The following PAM variants were observed in gnomAD, a reference collection of about 807,000 sequenced individuals.
PAM encodes the protein peptidyl-glycine alpha-amidating monooxygenase.
A neutral mutation model predicts 122.1 loss-of-function variants in PAM; 72 were observed. The ratio of observed to expected loss-of-function variants is 0.59; its 90% CI spans 0.49 to 0.72. The LOEUF (loss-of-function observed/expected upper bound fraction) is 0.72, where lower values mean the gene tolerates loss of function less well. PAM is among the 30% of genes least tolerant of loss of function. PAM has a pLI of 0.00. For missense variants in PAM, 1,106 were observed against 1,183.7 expected (o/e 0.93, Z 0.96); for synonymous variants, 389 against 404.4 (o/e 0.96, Z 0.46).
chr5:102,960,064 T>C lies in PAM; in HGVS notation c.1090+5T>C, dbSNP rs2150221658. On this transcript the variant is annotated splice_donor_5th_base_variant and intron_variant, in intron 13 of 25. Transcript: ENST00000438793. The stretch of plus-strand genomic sequence containing the variant: ...TGATGCATGAACATCATAAAGGTAA[T>C]AATTGATGTTTAATATAAAGTAATA... 3 of 1,476,746 alleles carry C rather than the reference T, an allele frequency of 2.0e-6. No homozygotes were observed. Among genetic ancestry groups the C allele is most frequent in the Non-Finnish European group, 2.8e-6 (3 of 1,068,920 alleles). 91.5% of individuals were successfully genotyped at this position (1,476,746 alleles called of 1,614,324 possible).
chr5:102,858,938 G>A (rs563291913), intron 1 of PAM, among the ~76,000 whole-genome samples: 1 of 152,262 alleles, frequency 6.6e-6, no homozygotes, highest in Admixed American at 6.5e-5. Context: ...CTATCACCTA[G>A]TAACATCGTA....
At chr5:102,825,177 A>G (rs1773219150) in intron 1 of PAM, among the ~76,000 whole-genome samples, 3 of 152,254 alleles carry the variant, frequency 2.0e-5, no homozygotes, top group Non-Finnish European at 4.4e-5. Flanking sequence ...TATACAAATT[A>G]AATGGCTAAT....
intron 1 of PAM, among the ~76,000 whole-genome samples, chr5:102,836,859 C>CGA (rs57617414): frequency 0.2 from 23,928 of 120,572 alleles, 2,735 homozygotes; most frequent in Middle Eastern, 0.33. Context: ...AGAAAGAAAC[C>CGA]GAGAGAGAGA....
intron 1 of PAM, among the ~76,000 whole-genome samples, chr5:102,843,208 T>G (rs1189929848): frequency 1.3e-5 from 2 of 152,212 alleles, no homozygotes; most frequent in Admixed American, 6.5e-5. Flanking sequence ...GAATTGTGGT[T>G]TCTCACATTG....
At chr5:102,911,930 G>C (rs1282558936) in intron 4 of PAM, among the ~76,000 whole-genome samples, 1 of 151,734 alleles carries the variant, frequency 6.6e-6, no homozygotes, top group Non-Finnish European at 1.5e-5. Context: ...TACCCTTTCT[G>C]GTACTTTCAT....
At chr5:102,889,913 G>A (rs1163408815) in intron 3 of PAM, among the ~76,000 whole-genome samples, 1 of 151,828 alleles carries the variant, frequency 6.6e-6, no homozygotes, top group Non-Finnish European at 1.5e-5. Context: ...TTTCCTAATG[G>A]CAGACTTTGT....
chr5:102,967,302 T>C (rs1287780759), intron 14 of PAM, among the ~76,000 whole-genome samples: 1 of 152,214 alleles, frequency 6.6e-6, no homozygotes, highest in Admixed American at 6.5e-5. Flanking sequence ...GTGTTTTCCA[T>C]ATACCAAACT....
chr5:102,863,926 A>C (rs1057326207), intron 1 of PAM, among the ~76,000 whole-genome samples: 2 of 151,182 alleles, frequency 1.3e-5, no homozygotes, highest in African/African-American at 4.8e-5. Flanking sequence ...TCTACCCACA[A>C]CTTTAATTCC....
chr5:102,769,933 T>C (rs1265601776), intron 1 of PAM, among the ~76,000 whole-genome samples: 1 of 152,124 alleles, frequency 6.6e-6, no homozygotes, highest in Non-Finnish European at 1.5e-5. Context: ...ATCTGTAGAT[T>C]GCTTTGGGTA....
chr5:102,949,776 T>A (rs904161573), intron 10 of PAM, 126 bp from the exon 11 acceptor site: 1 of 686,416 alleles, frequency 1.5e-6, no homozygotes, highest in Non-Finnish European at 2.6e-6. Context: ...ATTGTTTTTT[T>A]AAGATACTCA....
chr5:102,829,761 C>T (rs931257949), intron 1 of PAM, among the ~76,000 whole-genome samples: 1 of 152,092 alleles, frequency 6.6e-6, no homozygotes, highest in African/African-American at 2.4e-5. Flanking sequence ...CAAATTGTCT[C>T]TGTATATTAT....
chr5:102,806,525 T>C (rs1766268802), intron 1 of PAM, among the ~76,000 whole-genome samples: 1 of 152,238 alleles, frequency 6.6e-6, no homozygotes, highest in Non-Finnish European at 1.5e-5. Context: ...TTTCAGTGCA[T>C]ATTCAGATGA....
chr5:103,023,270 C>A (rs1409239269), intron 23 of PAM, among the ~76,000 whole-genome samples: 2 of 151,994 alleles, frequency 1.3e-5, no homozygotes, highest in Admixed American at 6.6e-5. Context: ...ACCTAGTATA[C>A]CCATTGTATA....
intron 1 of PAM, among the ~76,000 whole-genome samples, chr5:102,835,918 T>C (rs1221539216): frequency 6.6e-6 from 1 of 152,138 alleles, no homozygotes; most frequent in Non-Finnish European, 1.5e-5. Flanking sequence ...TATTCAGAAA[T>C]ATATCATGTA....
intron 1 of PAM, among the ~76,000 whole-genome samples, chr5:102,769,045 A>AC (rs1754987216): frequency 6.6e-6 from 1 of 152,158 alleles, no homozygotes; most frequent in African/African-American, 2.4e-5. Flanking sequence ...AGCCATTTTA[A>AC]CTGGGGTGAG....
At chr5:102,950,852 T>C (rs1310908693) in intron 12 of PAM, 32 bp downstream of exon 12, 1 of 1,266,838 alleles carries the variant, frequency 7.9e-7, no homozygotes, top group Non-Finnish European at 1.1e-6. Context: ...TATTTAAAGA[T>C]ATTTTATTGG....
At chr5:102,907,918 A>G (rs1161587468) in intron 4 of PAM, among the ~76,000 whole-genome samples, 3 of 151,664 alleles carry the variant, frequency 2.0e-5, no homozygotes, top group Non-Finnish European at 4.4e-5. Context: ...CCCATTTTGT[A>G]GGTTGCCTGT....
In PAM at chr5:102,900,257, G is replaced by GTGTGTC. The variant is rs1350760484; in HGVS notation, c.211-1099_211-1098insTGTGTC. Among the ~76,000 whole-genome samples, 622 of 126,574 alleles carry GTGTGTC rather than the reference G, an allele frequency of 4.9e-3. 17 individuals carry two copies. Among genetic ancestry groups the GTGTGTC allele is most frequent in the African/African-American group, 0.018 (572 of 31,828 alleles). The allele number at this position is 126,574 out of a possible 152,430, so 83.0% of individuals were successfully genotyped here. On this transcript the variant is annotated intron_variant, in intron 3 of 25. Coordinates refer to ENST00000438793, the MANE Select transcript of PAM (RefSeq NM_001177306.2). ...CAGGTCTCTTAATGTGTGTGTGTGGGGGGGGGGCGGGGGGAAGAGGGTAGA... is the reference window on the plus strand; with the variant it reads ...CAGGTCTCTTAATGTGTGTGTGTGGGTGTGTCGGGGGGGCGGGGGGAAGAGGGTAGA...
At position 102,789,518 on chromosome 5, in the gene PAM, A is replaced by T. The variant is rs533639343; in HGVS notation, c.-374+34170A>T. Among the ~76,000 whole-genome samples the T allele has an allele frequency of 2.0e-5, 3 of 152,254 alleles. No homozygotes were observed. The East Asian group carries it at 5.8e-4, about 29-fold the overall frequency. ...GGCTGATCCTTGAAGACATTACGCT[A>T]GGTGAAATAAGCGAGACACAAAAGG... On this transcript the variant is annotated intron_variant, in intron 1 of 25. Transcript: ENST00000438793.
Sources: gnomAD v4.1 joint callset for allele counts (sites outside exome capture counted in the v4.1 genomes callset) on GRCh38, gnomAD v4.1.1 for gene constraint, MANE v1.5 for transcripts, NCBI Gene and HGNC (gene_info 2026-07-23, HGNC 2026-07-21) for gene names.